The following ANHX variants were observed in gnomAD, a reference collection of about 807,000 sequenced individuals.
The protein encoded by ANHX is anomalous homeobox.
Under a neutral mutation model 38.9 loss-of-function variants are expected in ANHX, and 20 were observed. That is an observed-to-expected ratio of 0.51 (90% CI 0.36 to 0.75). The LOEUF (loss-of-function observed/expected upper bound fraction) is 0.75, where lower values mean the gene tolerates loss of function less well. Ranked by LOEUF, ANHX falls within the 30% of genes least tolerant of loss-of-function variation. The pLI is 0.00. For missense variants in ANHX, 475 were observed against 493.1 expected, an observed-to-expected ratio of 0.96 and a Z score of 0.35; for synonymous variants, 185 against 203.1, an observed-to-expected ratio of 0.91 and a Z score of 0.76.
At chr12:133,224,898 A>C (rs538850080) in intron 7 of ANHX, among the ~76,000 whole-genome samples, 96 of 141,482 alleles carry the variant, frequency 6.8e-4, no homozygotes, top group Middle Eastern at 3.8e-3. Flanking sequence ...ACCTGGGAGG[A>C]GGAGGTTGCA....
chr12:133,220,706 G>T (rs912905702), intron 8 of ANHX, among the ~76,000 whole-genome samples: 3 of 152,014 alleles, frequency 2.0e-5, no homozygotes, highest in African/African-American at 7.2e-5. Flanking sequence ...AGGCCACCCT[G>T]CCCCAGTCCT....
intron 3 of ANHX, among the ~76,000 whole-genome samples, chr12:133,230,449 C>G (rs1203755317): frequency 6.6e-6 from 1 of 152,206 alleles, no homozygotes; most frequent in Non-Finnish European, 1.5e-5. Context: ...AGTATTCTTA[C>G]CGACCAGGCC....
At chr12:133,225,266 G>A (rs910523008) in intron 7 of ANHX, among the ~76,000 whole-genome samples, 3 of 151,912 alleles carry the variant, frequency 2.0e-5, no homozygotes, top group Admixed American at 6.6e-5. Flanking sequence ...AGAGCACAGG[G>A]TGGCAGCTCT....
intron 7 of ANHX, among the ~76,000 whole-genome samples, chr12:133,225,295 C>T (rs559568651): frequency 4.8e-4 from 72 of 151,546 alleles, no homozygotes; most frequent in African/African-American, 1.7e-3. Context: ...AACTCTTCCT[C>T]TTCAGTGATA....
At chr12:133,235,453 T>G (rs36142217) in intron 1 of ANHX, 61,420 of 152,686 alleles carry the variant, frequency 0.4, 13,511 homozygotes, top group African/African-American at 0.58. Flanking sequence ...CTTCCTGACT[T>G]TGGCGGGACC....
intron 3 of ANHX, 105 bp downstream of exon 3, chr12:133,231,412 T>C: frequency 6.9e-7 from 1 of 1,454,756 alleles, no homozygotes; most frequent in Middle Eastern, 1.8e-4. Context: ...TTCCTGTCCC[T>C]ATCTCCTCAC....
At chr12:133,227,254 G>A in intron 4 of ANHX, 102 bp from the exon 5 acceptor site, 1 of 1,287,120 alleles carries the variant, frequency 7.8e-7, no homozygotes, top group Non-Finnish European at 1.0e-6. Flanking sequence ...GAAAGGGGGT[G>A]ACAGCCCAGC....
At position 133,227,292 on chromosome 12, in the gene ANHX, G is replaced by T; in HGVS notation, c.502-140C>A. 3.2e-6 allele frequency: 3 copies of T among 933,364 alleles called. No homozygotes were observed. The South Asian group carries it at 5.3e-5, about 16-fold the overall frequency. The allele number at this position is 933,364 out of a possible 1,614,324, so 57.8% of individuals were successfully genotyped here. Reference sequence around the variant, plus strand: ...AACCTCTCCAAGGACAGCAGAGAGCGGTGAGCATGAGCAGAACATGCAGGC... The same window carrying T: ...AACCTCTCCAAGGACAGCAGAGAGCTGTGAGCATGAGCAGAACATGCAGGC... On this transcript the variant is annotated intron_variant, in intron 4 of 9. Coordinates refer to ENST00000545940, the MANE Select transcript of ANHX (RefSeq NM_001372060.1).
At chr12:133,227,323 C>T (rs1212161712) in intron 4 of ANHX, among the ~76,000 whole-genome samples, 171 bp from the exon 5 acceptor site, 2 of 152,234 alleles carry the variant, frequency 1.3e-5, no homozygotes, top group African/African-American at 2.4e-5. Flanking sequence ...CAGGCCTCAC[C>T]TCCCTGGGCT....
At position 133,231,557 on chromosome 12, in the gene ANHX, C is replaced by T; in HGVS notation, c.337G>A (p.Ala113Thr). ...YRLVMRRLGV[A>T]ALTPVQKFRC... ...AACTTCTGCACCGGGGTGAGCGCAG[C>T]CACGCCCAGCCTCCTCATGACCAGA... The change falls in exon 3 of 10, where the codon GCT (alanine) becomes ACT (threonine). Residue 113 changes from alanine to threonine, a missense_variant. Physicochemically the swap from Ala to Thr is moderately conservative, Grantham distance 58. Transcript: ENST00000545940. 1 of 1,536,128 alleles carries T rather than the reference C, an allele frequency of 6.5e-7. No homozygotes were observed. Among genetic ancestry groups the T allele is most frequent in the Admixed American group, 2.0e-5 (1 of 51,006 alleles).
chr12:133,224,095 T>A (rs1164051862), intron 7 of ANHX, among the ~76,000 whole-genome samples: 1 of 151,958 alleles, frequency 6.6e-6, no homozygotes, highest in African/African-American at 2.4e-5. Flanking sequence ...AGACCTGAAA[T>A]TCAGGACACC....
At chr12:133,224,711 A>G (rs560518630) in intron 7 of ANHX, among the ~76,000 whole-genome samples, 2 of 148,242 alleles carry the variant, frequency 1.3e-5, no homozygotes, top group Non-Finnish European at 3.0e-5. Flanking sequence ...CACGCCTGTA[A>G]TCCCAGCACT....
intron 2 of ANHX, among the ~76,000 whole-genome samples, chr12:133,232,112 G>A (rs1957286707): frequency 6.6e-6 from 1 of 152,174 alleles, no homozygotes; most frequent in Admixed American, 6.5e-5. Flanking sequence ...CCTGATGTCT[G>A]ATTCAAGTCT....
intron 8 of ANHX, among the ~76,000 whole-genome samples, chr12:133,220,138 G>A (rs768928371): frequency 1.3e-5 from 2 of 152,174 alleles, no homozygotes; most frequent in Admixed American, 6.5e-5. Flanking sequence ...CCTTCATCAC[G>A]GTGGTGGCCT....
At chr12:133,224,066 G>C (rs1957150676) in intron 7 of ANHX, among the ~76,000 whole-genome samples, 1 of 152,134 alleles carries the variant, frequency 6.6e-6, no homozygotes, top group African/African-American at 2.4e-5. Context: ...AAACAAGGGA[G>C]TCAAATAAAG....
intron 3 of ANHX, among the ~76,000 whole-genome samples, chr12:133,229,701 T>G (rs1197095382): frequency 6.6e-6 from 1 of 152,166 alleles, no homozygotes; most frequent in Non-Finnish European, 1.5e-5. Flanking sequence ...GTGACTCAGA[T>G]GCCATCCCTT....
intron 9 of ANHX, 121 bp downstream of exon 9, chr12:133,219,162 C>G: frequency 1.9e-6 from 2 of 1,074,006 alleles, no homozygotes; most frequent in Non-Finnish European, 2.7e-6. Flanking sequence ...CATCTTTGCC[C>G]CTTGTTTATC....
chr12:133,230,711 T>C (rs1313307191), intron 3 of ANHX, among the ~76,000 whole-genome samples: 1 of 152,032 alleles, frequency 6.6e-6, no homozygotes, highest in Non-Finnish European at 1.5e-5. Flanking sequence ...TGCAGAGTTG[T>C]GACCGCCCCA....
intron 7 of ANHX, among the ~76,000 whole-genome samples, chr12:133,222,910 G>A (rs1957130765): frequency 6.6e-6 from 1 of 152,228 alleles, no homozygotes; most frequent in Non-Finnish European, 1.5e-5. Flanking sequence ...ACAGCAGTTG[G>A]CCGGGCGCAG....
Sources: allele counts gnomAD v4.1 joint callset (sites outside exome capture counted in the v4.1 genomes callset), GRCh38; gene constraint gnomAD v4.1.1; transcripts MANE v1.5; gene names NCBI Gene and HGNC (gene_info 2026-07-23, HGNC 2026-07-21).